Variants in PCDHA9 observed in about 807,000 individuals in gnomAD.
PCDHA9 encodes the protein protocadherin alpha 9.
A neutral mutation model predicts 62.0 loss-of-function variants in PCDHA9; 62 were observed. That is an observed-to-expected ratio of 1.00 (90% confidence interval 0.81 to 1.23). The LOEUF (loss-of-function observed/expected upper bound fraction) is 1.23, where lower values mean the gene tolerates loss of function less well. Among genes scored for constraint, PCDHA9 ranks in the 50% most tolerant of loss-of-function variants. The pLI is 0.00. For missense variants in PCDHA9, 1,205 were observed against 1,249.8 expected, an observed-to-expected ratio of 0.96 and a Z score of 0.54; for synonymous variants, 557 against 567.6, an observed-to-expected ratio of 0.98 and a Z score of 0.27.
At position 140,848,656 on chromosome 5, in the gene PCDHA9, TGGAGCTGGC is replaced by T. The variant is rs2150416289; in HGVS notation, c.170_178del (p.Ala57_Leu59del). 5 of 1,592,712 alleles carry T rather than the reference TGGAGCTGGC, an allele frequency of 3.1e-6. 1 individual carries two copies. Among genetic ancestry groups the T allele is most frequent in the Admixed American group, 3.4e-5 (2 of 59,208 alleles). ...GGCCGCATCGCGCAGGACCTGGGGC[TGGAGCTGGC>T]GGAGCTGGTGCCGCGCCTGTTCCAG... On this transcript the variant is annotated inframe_deletion, in exon 1 of 4. Coordinates refer to ENST00000532602, the MANE Select transcript of PCDHA9 (RefSeq NM_031857.2).
At position 140,853,586 on chromosome 5, in the gene PCDHA9, A is replaced by T; in HGVS notation, c.2394+2697A>T. 4 of 985,384 alleles carry T rather than the reference A, an allele frequency of 4.1e-6. 1 individual carries two copies. Among genetic ancestry groups the T allele is most frequent in the Non-Finnish European group, 4.9e-6 (4 of 817,556 alleles). 61.0% of individuals were successfully genotyped at this position (985,384 alleles called of 1,614,324 possible). ...ACTAAGTTGTCACCCAATATCTTAG[A>T]CACTTTGAGAGCAAAGGGGGTGCTG... is the stretch of plus-strand genomic sequence containing the variant. On this transcript the variant is annotated intron_variant, in intron 1 of 3. Transcript: ENST00000532602.
chr5:140,848,870 C>T lies in PCDHA9; in HGVS notation c.375C>T (p.Asp125=), dbSNP rs2040645245. The T allele has an allele frequency of 6.3e-7, 1 of 1,590,634 alleles. No homozygotes were observed. The highest frequency in any genetic ancestry group is 1.4e-5 in the African/African-American group (1 of 73,716). ...QVFHVDVEVK[D]INDNPPVFPA... ...TCCATGTGGACGTGGAGGTGAAGGACATTAACGACAACCCTCCAGTGTTCC... is the reference window on the plus strand; with the variant it reads ...TCCATGTGGACGTGGAGGTGAAGGATATTAACGACAACCCTCCAGTGTTCC... Residue 125 remains aspartate, a synonymous_variant, in exon 1 of 4, where the codon GAC becomes GAT. Coordinates refer to ENST00000532602, the MANE Select transcript of PCDHA9 (RefSeq NM_031857.2).
intron 1 of PCDHA9, chr5:140,928,982 G>T: frequency 6.2e-7 from 1 of 1,613,824 alleles, no homozygotes; most frequent in Non-Finnish European, 8.5e-7. Flanking sequence ...TTATTTCTGG[G>T]GTGCTTACTT....
intron 1 of PCDHA9, among the ~76,000 whole-genome samples, chr5:140,921,583 TA>T (rs2080282425): frequency 6.6e-6 from 1 of 152,200 alleles, no homozygotes; most frequent in South Asian, 2.1e-4. Flanking sequence ...GCTCATACTA[TA>T]TTATGGTTTC....
chr5:140,980,058 A>C (rs1554241393), intron 2 of PCDHA9, among the ~76,000 whole-genome samples: 1 of 152,254 alleles, frequency 6.6e-6, no homozygotes, highest in Non-Finnish European at 1.5e-5. Context: ...ATTCAGAAGC[A>C]ATCAGTGAAG....
At chr5:140,882,854 C>T in intron 1 of PCDHA9, 1 of 1,614,196 alleles carries the variant, frequency 6.2e-7, no homozygotes, top group African/African-American at 1.3e-5. Context: ...ATCACTTGTA[C>T]TGAGGAAAAC....
chr5:140,871,284 T>C (rs2052909297), intron 1 of PCDHA9: 1 of 1,613,778 alleles, frequency 6.2e-7, no homozygotes, highest in African/African-American at 1.3e-5. Flanking sequence ...CAACGCCCAC[T>C]GAGGGCGCGT....
chr5:140,927,946 G>A (rs1341193072), intron 1 of PCDHA9: 1 of 1,614,096 alleles, frequency 6.2e-7, no homozygotes, highest in East Asian at 2.2e-5. Context: ...AGTACCTGAG[G>A]ACGCTGCCCC....
At chr5:140,970,753 C>T (rs1282500516) in intron 1 of PCDHA9, among the ~76,000 whole-genome samples, 1 of 152,176 alleles carries the variant, frequency 6.6e-6, no homozygotes, top group Non-Finnish European at 1.5e-5. Context: ...AATATATTTT[C>T]ATTGACATAT....
At chr5:140,856,701 AAC>A (rs2150363820) in intron 1 of PCDHA9, 1 of 1,597,018 alleles carries the variant, frequency 6.3e-7, no homozygotes, top group East Asian at 2.2e-5. Context: ...GATGGAGGCA[AAC>A]CTGAATTTAC....
chr5:140,860,827 T>G (rs1554153817), intron 1 of PCDHA9: 6 of 152,210 alleles, frequency 3.9e-5, no homozygotes, highest in Admixed American at 2.6e-4. Context: ...AAGCTCCGCC[T>G]CCCAGGTTCA....
chr5:140,869,758 A>AAACC, intron 1 of PCDHA9: 1 of 1,613,288 alleles, frequency 6.2e-7, no homozygotes, highest in Non-Finnish European at 8.5e-7. Context: ...AGACGGGGGA[A>AAACC]AACCAGAGCT....
At chr5:140,967,282 GC>G in intron 1 of PCDHA9, 1 of 1,613,078 alleles carries the variant, frequency 6.2e-7, no homozygotes, top group Non-Finnish European at 8.5e-7. Flanking sequence ...TAGAGAGTGC[GC>G]AGGACCCCGA....
intron 1 of PCDHA9, chr5:140,881,486 T>G: frequency 2.8e-6 from 1 of 355,652 alleles, no homozygotes; most frequent in African/African-American, 2.2e-5. Flanking sequence ...ATTATTGTGT[T>G]TATGCACATA....
rs1367952118 is a variant in PCDHA9, at chr5:140,850,196, A to G, written c.1701A>G (p.Thr567=). 1 of 1,592,698 alleles carries G rather than the reference A, an allele frequency of 6.3e-7. No individual in the cohort carries two copies. The highest frequency in any genetic ancestry group is 2.2e-5 in the East Asian group (1 of 44,532). Residue 567 remains threonine (T), a synonymous_variant, in exon 1 of 4, where the codon ACA becomes ACG. Coordinates refer to ENST00000532602, the MANE Select transcript of PCDHA9 (RefSeq NM_031857.2). The stretch of plus-strand genomic sequence containing the variant: ...ACGACAATGCGCCGGCGCTGCTGAC[A>G]CCTCGGATGAGGGGCACTGACGGCG... ...DENDNAPALL[T]PRMRGTDGAV... is the part of the protein sequence containing the mutation.
chr5:140,993,509 C>CAT (rs1488940144), intron 3 of PCDHA9, among the ~76,000 whole-genome samples: 3 of 143,600 alleles, frequency 2.1e-5, no homozygotes, highest in African/African-American at 7.8e-5. Flanking sequence ...CACACACACA[C>CAT]GGGGAGAGAG....
chr5:140,929,651 A>G (rs2086278415), intron 1 of PCDHA9: 2 of 358,222 alleles, frequency 5.6e-6, no homozygotes, highest in East Asian at 8.9e-5. Context: ...AAGGCACTCT[A>G]ATATTTAAAG....
At chr5:140,882,543 G>T (rs1357197569) in intron 1 of PCDHA9, 4 of 1,614,236 alleles carry the variant, frequency 2.5e-6, no homozygotes, top group Non-Finnish European at 3.4e-6. Context: ...CGGATCGACC[G>T]CGAGGAGCTG....
intron 1 of PCDHA9, among the ~76,000 whole-genome samples, chr5:140,909,754 G>T (rs2074670000): frequency 6.6e-6 from 1 of 152,100 alleles, no homozygotes; most frequent in Non-Finnish European, 1.5e-5. Context: ...AATGACCACA[G>T]GATGAGTCCA....
Sources: allele counts gnomAD v4.1 joint callset (sites outside exome capture counted in the v4.1 genomes callset), GRCh38; gene constraint gnomAD v4.1.1; transcripts MANE v1.5; gene names NCBI Gene and HGNC (gene_info 2026-07-23, HGNC 2026-07-21).